Variants in ITGBL1 observed in about 807,000 individuals in gnomAD.
The protein encoded by ITGBL1 is integrin beta-like protein 1.
Under a neutral mutation model 68.5 loss-of-function variants are expected in ITGBL1, and 51 were observed. That is an observed-to-expected ratio of 0.74 (90% confidence interval 0.59 to 0.94). The LOEUF (loss-of-function observed/expected upper bound fraction) is 0.94, where lower values mean the gene tolerates loss of function less well. Among genes scored for constraint, ITGBL1 ranks in the 40% least tolerant of loss-of-function variants. The pLI is 0.00. For missense variants in ITGBL1, 649 were observed against 647.4 expected (o/e 1.00, Z -0.03); for synonymous variants, 209 against 227.3 (o/e 0.92, Z 0.72).
intron 7 of ITGBL1, among the ~76,000 whole-genome samples, chr13:101,655,251 G>T (rs1397889291): frequency 6.6e-6 from 1 of 152,190 alleles, no homozygotes; most frequent in Non-Finnish European, 1.5e-5. Context: ...AAACTAGATT[G>T]ATGGCACAGA....
intron 10 of ITGBL1, 78 bp downstream of exon 10, chr13:101,714,629 T>C: frequency 2.2e-6 from 2 of 907,648 alleles, no homozygotes; most frequent in Non-Finnish European, 3.7e-6. Flanking sequence ...TGCAATGCTT[T>C]AGGTGGCTGG....
intron 9 of ITGBL1, among the ~76,000 whole-genome samples, chr13:101,708,951 AG>A (rs2034325667): frequency 6.6e-6 from 1 of 152,256 alleles, no homozygotes; most frequent in African/African-American, 2.4e-5. Flanking sequence ...TTCTGTTCTC[AG>A]GGGGCTTCAG....
intron 2 of ITGBL1, among the ~76,000 whole-genome samples, chr13:101,512,873 G>A (rs1161574788): frequency 6.6e-6 from 1 of 152,110 alleles, no homozygotes; most frequent in Non-Finnish European, 1.5e-5. Flanking sequence ...GATTGCTTGG[G>A]TGTTTCCTGT....
chr13:101,714,148 A>G (rs1358912182), intron 9 of ITGBL1: 2 of 299,216 alleles, frequency 6.7e-6, no homozygotes, highest in South Asian at 1.3e-4. Context: ...AAGACCATCT[A>G]TAAGAATCAA....
At chr13:101,681,375 C>A (rs2033636164) in intron 7 of ITGBL1, among the ~76,000 whole-genome samples, 1 of 152,162 alleles carries the variant, frequency 6.6e-6, no homozygotes, top group East Asian at 1.9e-4. Flanking sequence ...CAAGTCCAGG[C>A]ATCTACCCTG....
chr13:101,636,963 A>T (rs781195065), intron 7 of ITGBL1, among the ~76,000 whole-genome samples: 23 of 152,190 alleles, frequency 1.5e-4, no homozygotes, highest in Admixed American at 2.6e-4. Flanking sequence ...AAAATATCAC[A>T]TCCACTTAAT....
intron 2 of ITGBL1, among the ~76,000 whole-genome samples, chr13:101,560,173 TG>T (rs1443091009): frequency 2.6e-5 from 4 of 152,198 alleles, no homozygotes; most frequent in Non-Finnish European, 4.4e-5. Context: ...GATGTTACAT[TG>T]TTTTTTTGTT....
chr13:101,584,032 T>A (rs570734499), intron 6 of ITGBL1, among the ~76,000 whole-genome samples: 3 of 152,248 alleles, frequency 2.0e-5, no homozygotes, highest in Non-Finnish European at 2.9e-5. Flanking sequence ...GATAATACAG[T>A]GCTCAGGGTT....
chr13:101,557,862 G>A (rs1400364897), intron 2 of ITGBL1, among the ~76,000 whole-genome samples: 2 of 151,894 alleles, frequency 1.3e-5, no homozygotes, highest in Non-Finnish European at 2.9e-5. Flanking sequence ...AGGCCGAGGT[G>A]GGCGGATCAT....
chr13:101,485,408 A>G (rs867644540), intron 2 of ITGBL1, among the ~76,000 whole-genome samples: 4 of 152,208 alleles, frequency 2.6e-5, no homozygotes, highest in Non-Finnish European at 4.4e-5. Context: ...AAAAAAAGAT[A>G]TACAAACAGC....
chr13:101,626,253 G>A (rs1218045272), intron 7 of ITGBL1, among the ~76,000 whole-genome samples: 1 of 152,188 alleles, frequency 6.6e-6, no homozygotes. Flanking sequence ...ATTTTAAAAT[G>A]AAGATCACTA....
chr13:101,703,987 A>G (rs754782094), intron 8 of ITGBL1, among the ~76,000 whole-genome samples: 44 of 151,948 alleles, frequency 2.9e-4, no homozygotes, highest in Non-Finnish European at 5.4e-4. Context: ...GTGCAGGACT[A>G]CTCTCTCTGG....
chr13:101,482,004 C>A (rs1334719328), intron 2 of ITGBL1, among the ~76,000 whole-genome samples: 1 of 151,928 alleles, frequency 6.6e-6, no homozygotes, highest in African/African-American at 2.4e-5. Flanking sequence ...GAATGAGGGG[C>A]AGTTGTTCAT....
At chr13:101,466,198 A>G (rs7996346) in intron 2 of ITGBL1, among the ~76,000 whole-genome samples, 20,028 of 152,146 alleles carry the variant, frequency 0.13, 4,079 homozygotes, top group African/African-American at 0.44. Context: ...CTTAGCCTTC[A>G]TTTCCCTTGA....
At chr13:101,605,024 ATG>A (rs1226003598) in intron 7 of ITGBL1, among the ~76,000 whole-genome samples, 2 of 137,236 alleles carry the variant, frequency 1.5e-5, no homozygotes, top group African/African-American at 5.4e-5. Flanking sequence ...ATATGTGTAT[ATG>A]TATATATACA....
At chr13:101,689,039 AAT>A (rs2033819227) in intron 7 of ITGBL1, among the ~76,000 whole-genome samples, 2 of 65,330 alleles carry the variant, frequency 3.1e-5, no homozygotes, top group South Asian at 1.2e-3. Context: ...CTCTACTAAA[AAT>A]AGAAAAAAAA....
intron 7 of ITGBL1, among the ~76,000 whole-genome samples, chr13:101,655,408 A>ATAAT (rs34611696): frequency 0.93 from 141,610 of 152,104 alleles, 66,303 homozygotes; most frequent in Middle Eastern, 0.99. Flanking sequence ...TTATGCATTA[A>ATAAT]TTATCTTCAG....
chr13:101,477,294 A>C (rs1032716358), intron 2 of ITGBL1, among the ~76,000 whole-genome samples: 11 of 152,076 alleles, frequency 7.2e-5, no homozygotes, highest in Non-Finnish European at 1.6e-4. Flanking sequence ...TCTTAAAACA[A>C]ATGGAAAGAC....
intron 7 of ITGBL1, among the ~76,000 whole-genome samples, chr13:101,687,298 T>A (rs2033776405): frequency 6.6e-6 from 1 of 151,932 alleles, no homozygotes; most frequent in Admixed American, 6.6e-5. Context: ...AGTAAGTGAA[T>A]CAAGGTTTTC....
Sources: allele counts gnomAD v4.1 joint callset (sites outside exome capture counted in the v4.1 genomes callset), GRCh38; gene constraint gnomAD v4.1.1; transcripts MANE v1.5; gene names NCBI Gene and HGNC (gene_info 2026-07-23, HGNC 2026-07-21).